GARNL3: variants seen among roughly 807,000 people sequenced by gnomAD.
The protein encoded by GARNL3 is GTPase activating Rap/RanGAP domain like 3.
In GARNL3, 63 loss-of-function variants were observed where a neutral mutation model predicts 125.0. That is an observed-to-expected ratio of 0.50 (90% CI 0.41 to 0.62). The LOEUF (loss-of-function observed/expected upper bound fraction) is 0.62. Ranked by LOEUF, GARNL3 falls within the 20% of genes least tolerant of loss-of-function variation. The probability of loss-of-function intolerance (pLI) is 0.00; values close to 1 mark genes in which losing one functional copy is unlikely to be tolerated. For synonymous variants in GARNL3, 439 were observed against 457.5 expected (o/e 0.96, Z 0.52); for missense variants, 994 against 1,244.0 (o/e 0.80, Z 3.02).
rs77431468 is a variant in GARNL3 at position 127,340,672 on chromosome 9, T to G, written c.1135+921T>G. 3.6e-3 allele frequency among the ~76,000 whole-genome samples: 546 copies of G among 150,596 alleles called. 10 individuals carry two copies. In the East Asian group the frequency reaches 0.069, roughly 19 times the overall value. On this transcript the variant is annotated intron_variant, in intron 13 of 27. Transcript: ENST00000373387. ...CCTCTCTTCACTCTGTCCGTCCTGG[T>G]CACCTGGCCTCAAGGAAGCATTGAC...
chr9:127,234,430 C>A (rs1281743432), intron 1 of GARNL3, among the ~76,000 whole-genome samples: 2 of 152,066 alleles, frequency 1.3e-5, no homozygotes, highest in Non-Finnish European at 2.9e-5. Context: ...GGCTGGTTTT[C>A]CTGGGAGGAG....
chr9:127,339,221 C>G (rs1003299532), intron 12 of GARNL3, among the ~76,000 whole-genome samples: 4 of 150,766 alleles, frequency 2.7e-5, no homozygotes, highest in Admixed American at 6.6e-5. Flanking sequence ...GGTGTGAACC[C>G]GGGAGGCGGA....
intron 22 of GARNL3, among the ~76,000 whole-genome samples, chr9:127,373,863 G>T (rs1479781700): frequency 6.6e-6 from 1 of 152,118 alleles, no homozygotes; most frequent in African/African-American, 2.4e-5. Flanking sequence ...AAAATTAGCT[G>T]GGCATGGTAG....
chr9:127,333,131 C>T lies in GARNL3; in HGVS notation c.769+10C>T, dbSNP rs199783451. On this transcript the variant is annotated intron_variant, in intron 9 of 27. Coordinates refer to ENST00000373387, the MANE Select transcript of GARNL3 (RefSeq NM_032293.5). ...GGTCTGGATACCAAAAGTAAGCCTG[C>T]CTCTTGATCTATTCTGTTGTAATTT... 2.2e-5 allele frequency: 35 copies of T among 1,595,578 alleles called. No homozygotes were observed. The African/African-American group carries it at 4.6e-4, about 21-fold the overall frequency.
chr9:127,240,719 A>AT (rs2063189121), intron 1 of GARNL3, among the ~76,000 whole-genome samples: 1 of 152,202 alleles, frequency 6.6e-6, no homozygotes, highest in African/African-American at 2.4e-5. Flanking sequence ...TGTGGGCAAC[A>AT]TAGGGAGACC....
intron 6 of GARNL3, 39 bp downstream of exon 6, chr9:127,320,817 G>T: frequency 7.5e-7 from 1 of 1,340,408 alleles, no homozygotes; most frequent in South Asian, 1.2e-5. Context: ...GTACAAAATT[G>T]ATTACAGTGT....
chr9:127,332,836 C>A (rs576082943), intron 8 of GARNL3, among the ~76,000 whole-genome samples, 187 bp from the exon 9 acceptor site: 1 of 152,162 alleles, frequency 6.6e-6, no homozygotes, highest in Non-Finnish European at 1.5e-5. Flanking sequence ...TTTTCCTTTC[C>A]TTGGAGTCCT....
chr9:127,296,671 A>C (rs927655559), intron 2 of GARNL3, among the ~76,000 whole-genome samples: 1 of 151,734 alleles, frequency 6.6e-6, no homozygotes, highest in Non-Finnish European at 1.5e-5. Context: ...AGGGTTTCAC[A>C]TGTTGGCCAG....
At chr9:127,343,341 A>G (rs1457720743) in intron 14 of GARNL3, among the ~76,000 whole-genome samples, 1 of 152,200 alleles carries the variant, frequency 6.6e-6, no homozygotes, top group Non-Finnish European at 1.5e-5. Flanking sequence ...AGGTCAGGGA[A>G]GACACAGAGA....
At chr9:127,303,093 G>A (rs887142378) in intron 2 of GARNL3, among the ~76,000 whole-genome samples, 1 of 152,158 alleles carries the variant, frequency 6.6e-6, no homozygotes, top group Non-Finnish European at 1.5e-5. Context: ...AGAGCTTGCA[G>A]TGAGCCAAGA....
intron 22 of GARNL3, among the ~76,000 whole-genome samples, chr9:127,373,346 C>G (rs938562491): frequency 2.0e-5 from 3 of 152,174 alleles, no homozygotes; most frequent in Non-Finnish European, 4.4e-5. Context: ...GGAACCAAAA[C>G]AACAACATAG....
intron 21 of GARNL3, among the ~76,000 whole-genome samples, chr9:127,358,621 C>T (rs1206324710): frequency 2.6e-5 from 4 of 152,160 alleles, no homozygotes; most frequent in African/African-American, 4.8e-5. Context: ...AAATAGAAAA[C>T]TGTAGTTGTG....
chr9:127,225,523 G>C, intron 1 of GARNL3: 1 of 328,190 alleles, frequency 3.0e-6, no homozygotes, highest in Non-Finnish European at 4.4e-6. Flanking sequence ...GTTCTCAGGA[G>C]ACCGGGCGCG....
chr9:127,361,540 A>G (rs1006744233), intron 21 of GARNL3, among the ~76,000 whole-genome samples: 3 of 152,240 alleles, frequency 2.0e-5, no homozygotes, highest in Non-Finnish European at 4.4e-5. Context: ...ACAGACACCT[A>G]TATCAAAGCA....
At chr9:127,359,822 A>G (rs1201142481) in intron 21 of GARNL3, among the ~76,000 whole-genome samples, 1 of 152,024 alleles carries the variant, frequency 6.6e-6, no homozygotes, top group Non-Finnish European at 1.5e-5. Context: ...AATGTCCTAT[A>G]ATTCATTATA....
At chr9:127,357,735 C>T (rs534308188) in intron 21 of GARNL3, among the ~76,000 whole-genome samples, 16 of 150,574 alleles carry the variant, frequency 1.1e-4, no homozygotes, top group African/African-American at 2.7e-4. Flanking sequence ...CCCAGGAGTT[C>T]GAGACTGGTC....
At chr9:127,389,879 C>T (rs1416566702) in intron 26 of GARNL3, among the ~76,000 whole-genome samples, 2 of 147,154 alleles carry the variant, frequency 1.4e-5, no homozygotes, top group Non-Finnish European at 1.5e-5. Context: ...CATGATTACA[C>T]CACTGCACTC....
intron 21 of GARNL3, among the ~76,000 whole-genome samples, chr9:127,358,606 A>G (rs1830812573): frequency 6.6e-6 from 1 of 152,252 alleles, no homozygotes. Context: ...AAACAGAAAA[A>G]TAAGAAATAG....
rs202145758 is a variant in GARNL3 at position 127,233,543 on chromosome 9, A to AT, written c.-29+9214dup. 1.4e-3 allele frequency among the ~76,000 whole-genome samples: 209 copies of AT among 151,602 alleles called. 2 individuals are homozygous for AT. The highest frequency in any genetic ancestry group is 4.6e-3 in the African/African-American group (190 of 41,348). On this transcript the variant is annotated intron_variant, in intron 1 of 10. Coordinates refer to the GARNL3 transcript ENST00000439286. ...AGGGTCACAGAATTGGGGTTTCTGT[A>AT]TTTTTTTTTAGTTTTTGTTGTAAAA...
Sources: allele counts gnomAD v4.1 joint callset (sites outside exome capture counted in the v4.1 genomes callset), GRCh38; gene constraint gnomAD v4.1.1; transcripts MANE v1.5; gene names NCBI Gene and HGNC (gene_info 2026-07-23, HGNC 2026-07-21).